The following NELL2 variants were observed in gnomAD, a reference collection of about 807,000 sequenced individuals.
The protein encoded by NELL2 is protein kinase C-binding protein NELL2.
In NELL2, 41 loss-of-function variants were observed where a neutral mutation model predicts 109.6. That is an observed-to-expected ratio of 0.37 (90% CI 0.29 to 0.49). NELL2 has a LOEUF of 0.49. NELL2 is among the 20% of genes least tolerant of loss of function. The pLI is 0.98. For synonymous variants in NELL2, 355 were observed against 344.7 expected (o/e 1.03, Z -0.33); for missense variants, 900 against 1,008.3 (o/e 0.89, Z 1.45).
At chr12:44,701,056 A>C (rs1299865298) in intron 12 of NELL2, among the ~76,000 whole-genome samples, 1 of 152,128 alleles carries the variant, frequency 6.6e-6, no homozygotes, top group East Asian at 1.9e-4. Context: ...TCACAAGTGT[A>C]ATTTATTTAA....
chr12:44,686,805 C>T (rs555179834), intron 12 of NELL2, among the ~76,000 whole-genome samples: 1 of 152,218 alleles, frequency 6.6e-6, no homozygotes, highest in Non-Finnish European at 1.5e-5. Context: ...GGGAGCGCCA[C>T]TGCTCTCTTC....
intron 13 of NELL2, among the ~76,000 whole-genome samples, chr12:44,654,763 G>A (rs556700957): frequency 2.0e-5 from 3 of 152,226 alleles, no homozygotes; most frequent in Admixed American, 1.3e-4. Flanking sequence ...CAGAGGCACC[G>A]CGGGCTGGGG....
intron 3 of NELL2, among the ~76,000 whole-genome samples, chr12:44,781,005 T>C (rs562679726): frequency 4.6e-5 from 7 of 151,980 alleles, no homozygotes; most frequent in Non-Finnish European, 8.8e-5. Flanking sequence ...TAAAAAATCA[T>C]TCATTATACC....
At chr12:44,671,062 G>C (rs897607462) in intron 12 of NELL2, among the ~76,000 whole-genome samples, 3 of 152,096 alleles carry the variant, frequency 2.0e-5, no homozygotes, top group Admixed American at 2.0e-4. Flanking sequence ...GTCTCCAAAA[G>C]TTTTAAAAAT....
chr12:44,783,513 A>C (rs1469919143), intron 3 of NELL2, among the ~76,000 whole-genome samples: 1 of 151,990 alleles, frequency 6.6e-6, no homozygotes, highest in Non-Finnish European at 1.5e-5. Flanking sequence ...GATAAACAGG[A>C]GATTTCATTA....
chr12:44,598,549 C>T (rs1167299754), intron 15 of NELL2, among the ~76,000 whole-genome samples: 3 of 152,136 alleles, frequency 2.0e-5, no homozygotes, highest in African/African-American at 7.2e-5. Context: ...ATTCACTGAG[C>T]ATCAGTGAAA....
intron 13 of NELL2, among the ~76,000 whole-genome samples, chr12:44,623,935 A>G (rs867762790): frequency 2.0e-5 from 3 of 151,882 alleles, no homozygotes; most frequent in Non-Finnish European, 4.4e-5. Flanking sequence ...GAGTTGAACA[A>G]TGAGAACACA....
intron 9 of NELL2, among the ~76,000 whole-genome samples, chr12:44,766,615 C>G (rs1941345698): frequency 6.6e-6 from 1 of 152,006 alleles, no homozygotes; most frequent in Non-Finnish European, 1.5e-5. Context: ...GAGTGTTTTT[C>G]TTCTCTCTTA....
intron 2 of NELL2, among the ~76,000 whole-genome samples, chr12:44,871,217 G>A (rs1046268049): frequency 8.5e-5 from 13 of 152,096 alleles, no homozygotes; most frequent in African/African-American, 2.9e-4. Context: ...CCCTGAGCCT[G>A]AGACTCCCCT....
chr12:44,672,473 C>T (rs375734531), intron 12 of NELL2, among the ~76,000 whole-genome samples: 19 of 152,248 alleles, frequency 1.2e-4, no homozygotes, highest in South Asian at 4.2e-4. Flanking sequence ...CCCCTGGTTC[C>T]GTGGAAAAAT....
At chr12:44,698,004 TA>T (rs1468997232) in intron 12 of NELL2, among the ~76,000 whole-genome samples, 1 of 152,152 alleles carries the variant, frequency 6.6e-6, no homozygotes, top group Non-Finnish European at 1.5e-5. Flanking sequence ...TTCCTTGGCT[TA>T]AAGTCACATC....
intron 13 of NELL2, 29 bp from the exon 14 acceptor site, chr12:44,610,999 C>T: frequency 6.2e-7 from 1 of 1,606,660 alleles, no homozygotes; most frequent in East Asian, 2.2e-5. Flanking sequence ...TTTTGTTACT[C>T]AAAGTTATAT....
chr12:44,818,729 TTTTTTTTTTA>T (rs1351562537), intron 2 of NELL2, among the ~76,000 whole-genome samples: 12 of 95,938 alleles, frequency 1.3e-4, no homozygotes, highest in African/African-American at 5.0e-4. Context: ...TCACTTATTT[TTTTTTTTTTA>T]TTTTTTTTTT....
intron 3 of NELL2, among the ~76,000 whole-genome samples, chr12:44,809,048 C>T (rs150480865): frequency 0.011 from 1,741 of 151,990 alleles, 32 homozygotes; most frequent in African/African-American, 0.038. Context: ...TCCTAATAAA[C>T]CCCTTGGAAC....
chr12:44,797,283 G>A (rs1942657410), intron 3 of NELL2, among the ~76,000 whole-genome samples: 1 of 152,104 alleles, frequency 6.6e-6, no homozygotes, highest in Non-Finnish European at 1.5e-5. Flanking sequence ...GCAGGCTCAA[G>A]GAACATGAGC....
At chr12:44,908,470 A>C (rs1168907498) in intron 1 of NELL2, among the ~76,000 whole-genome samples, 1 of 152,000 alleles carries the variant, frequency 6.6e-6, no homozygotes, top group African/African-American at 2.4e-5. Flanking sequence ...GATTTTGACA[A>C]GGTTGCAATT....
At chr12:44,518,260 T>C (rs1164621660) in intron 19 of NELL2, among the ~76,000 whole-genome samples, 1 of 151,650 alleles carries the variant, frequency 6.6e-6, no homozygotes, top group Non-Finnish European at 1.5e-5. Flanking sequence ...TTTTTTTTTT[T>C]CTGAGATGGA....
chr12:44,665,647 C>A, intron 12 of NELL2, 38 bp from the exon 13 acceptor site: 1 of 1,578,838 alleles, frequency 6.3e-7, no homozygotes, highest in Non-Finnish European at 8.6e-7. Context: ...CAACAGTGGG[C>A]AATATTCTGG....
At chr12:44,604,426 A>C (rs2060839) in intron 15 of NELL2, among the ~76,000 whole-genome samples, 73,344 of 151,966 alleles carry the variant, frequency 0.48, 18,692 homozygotes, top group African/African-American at 0.65. Context: ...ACAGAACTAG[A>C]TAACTCTGAA....
Sources: allele counts gnomAD v4.1 joint callset (sites outside exome capture counted in the v4.1 genomes callset), GRCh38; gene constraint gnomAD v4.1.1; transcripts MANE v1.5; gene names NCBI Gene and HGNC (gene_info 2026-07-23, HGNC 2026-07-21).